TAFA4: variants seen among roughly 807,000 people sequenced by gnomAD.
TAFA4 encodes chemokine-like protein TAFA-4.
TAFA4 carries 20 observed loss-of-function variants against 21.1 expected under a neutral mutation model. The observed-to-expected ratio is 0.95, with a 90% confidence interval of 0.67 to 1.38. The LOEUF is 1.38. Among genes scored for constraint, TAFA4 ranks in the 40% most tolerant of loss-of-function variants. The pLI, the probability that TAFA4 is intolerant of heterozygous loss-of-function variation, is 0.00. For synonymous variants in TAFA4, 71 were observed against 67.4 expected (o/e 1.05, Z -0.26); for missense variants, 211 against 180.9 (o/e 1.17, Z -0.95).
chr3:68,855,604 A>AG (rs1246946879), intron 3 of TAFA4, among the ~76,000 whole-genome samples: 2 of 152,104 alleles, frequency 1.3e-5, no homozygotes, highest in Non-Finnish European at 2.9e-5. Context: ...ACTGATAAGT[A>AG]GGGGGGAAAA....
chr3:68,838,105 T>C (rs1038103706), intron 3 of TAFA4, among the ~76,000 whole-genome samples: 1 of 152,148 alleles, frequency 6.6e-6, no homozygotes, highest in African/African-American at 2.4e-5. Flanking sequence ...GTTAATATAG[T>C]CACAACTATG....
chr3:68,804,212 C>T (rs1703636683), intron 3 of TAFA4, among the ~76,000 whole-genome samples: 1 of 152,174 alleles, frequency 6.6e-6, no homozygotes, highest in African/African-American at 2.4e-5. Flanking sequence ...CCAATCCACA[C>T]TTTTAAAGCA....
chr3:68,760,755 A>C (rs1702743730), intron 3 of TAFA4, among the ~76,000 whole-genome samples: 1 of 152,240 alleles, frequency 6.6e-6, no homozygotes, highest in Non-Finnish European at 1.5e-5. Flanking sequence ...TCCTAGTTGC[A>C]GTTCTCTAGT....
intron 3 of TAFA4, among the ~76,000 whole-genome samples, chr3:68,813,547 A>T (rs533256899): frequency 5.4e-4 from 82 of 152,380 alleles, no homozygotes; most frequent in African/African-American, 2.0e-3. Context: ...CCTCTATGCA[A>T]ATAAACTAGA....
intron 3 of TAFA4, among the ~76,000 whole-genome samples, chr3:68,866,651 TAAAAAAAAAA>T (rs59878536): frequency 8.1e-5 from 1 of 12,396 alleles, no homozygotes; most frequent in African/African-American, 4.4e-4. Context: ...ATAGCAGTTC[TAAAAAAAAAA>T]AAAAAAAAAA....
intron 3 of TAFA4, among the ~76,000 whole-genome samples, chr3:68,864,195 G>A (rs1192157963): frequency 6.6e-6 from 1 of 151,974 alleles, no homozygotes; most frequent in African/African-American, 2.4e-5. Context: ...TTTGCAGTTT[G>A]GTTATTTGAT....
At chr3:68,859,514 T>G (rs1021123081) in intron 3 of TAFA4, among the ~76,000 whole-genome samples, 21 of 152,142 alleles carry the variant, frequency 1.4e-4, no homozygotes, top group African/African-American at 4.6e-4. Flanking sequence ...GGGCAAAACT[T>G]AATCAGCTGT....
At chr3:68,856,833 G>T (rs142283876) in intron 3 of TAFA4, among the ~76,000 whole-genome samples, 4 of 152,108 alleles carry the variant, frequency 2.6e-5, no homozygotes, top group African/African-American at 4.8e-5. Context: ...CTGTTGTATG[G>T]AGGGGAAGGA....
intron 2 of TAFA4, among the ~76,000 whole-genome samples, chr3:68,882,186 T>G (rs891535092): frequency 6.6e-6 from 1 of 152,192 alleles, no homozygotes; most frequent in Non-Finnish European, 1.5e-5. Flanking sequence ...TTGGGTAATT[T>G]GCAATGCAGC....
At chr3:68,830,968 T>A (rs554695298) in intron 3 of TAFA4, among the ~76,000 whole-genome samples, 1 of 152,196 alleles carries the variant, frequency 6.6e-6, no homozygotes, top group African/African-American at 2.4e-5. Context: ...CTTCTTATCT[T>A]TGTTGGTTTA....
chr3:68,743,391 C>T (rs927907909), intron 4 of TAFA4, among the ~76,000 whole-genome samples: 2 of 151,926 alleles, frequency 1.3e-5, no homozygotes, highest in Admixed American at 6.6e-5. Flanking sequence ...GCCTAGCCAA[C>T]GTGATGAAAC....
intron 3 of TAFA4, among the ~76,000 whole-genome samples, chr3:68,855,650 A>G (rs1437402731): frequency 6.6e-6 from 1 of 152,144 alleles, no homozygotes; most frequent in Non-Finnish European, 1.5e-5. Context: ...GACGTCATGT[A>G]TCTTAAAAGA....
Position 68,775,808 on chromosome 3 carries a change from G to A in TAFA4, c.131-22790C>T, listed in dbSNP as rs550291134. Among the ~76,000 whole-genome samples, 4 of 152,256 alleles carry A rather than the reference G, an allele frequency of 2.6e-5. 1 individual carries two copies. In the South Asian group the frequency reaches 8.3e-4, roughly 32 times the overall value. On this transcript the variant is annotated intron_variant, in intron 3 of 5. Coordinates refer to ENST00000295569, the MANE Select transcript of TAFA4 (RefSeq NM_182522.5). ...GATTGACCCAACTCCTGGCCTGATA[G>A]CAGAAGAGATAGACCTGTTTCCTGT...
chr3:68,893,760 G>T (rs958677696), intron 1 of TAFA4, among the ~76,000 whole-genome samples: 1 of 152,280 alleles, frequency 6.6e-6, no homozygotes, highest in Non-Finnish European at 1.5e-5. Flanking sequence ...TGGGATAAAG[G>T]CTTCTTAAAA....
intron 3 of TAFA4, among the ~76,000 whole-genome samples, chr3:68,796,719 A>G (rs896765630): frequency 1.4e-4 from 21 of 152,204 alleles, no homozygotes; most frequent in African/African-American, 5.1e-4. Flanking sequence ...GAGAGGAAGT[A>G]TTTGCAAATC....
At chr3:68,775,073 C>T (rs1703024988) in intron 3 of TAFA4, among the ~76,000 whole-genome samples, 1 of 152,130 alleles carries the variant, frequency 6.6e-6, no homozygotes, top group African/African-American at 2.4e-5. Flanking sequence ...TGTTAACTGA[C>T]ATTTGTCAGA....
rs372890768 is a variant in TAFA4 at position 68,834,637 on chromosome 3, C to T, written c.130+46093G>A. 8.7e-4 allele frequency among the ~76,000 whole-genome samples: 133 copies of T among 152,232 alleles called. 1 individual carries two copies. The highest frequency in any genetic ancestry group is 2.8e-3 in the African/African-American group (116 of 41,536). ...CTGATTTCCTCTTTCACCTCCCACA[C>T]CTATTCCTCCCATACACCTCCTCAT... On this transcript the variant is annotated intron_variant, in intron 3 of 5. Coordinates refer to ENST00000295569, the MANE Select transcript of TAFA4 (RefSeq NM_182522.5).
intron 3 of TAFA4, among the ~76,000 whole-genome samples, chr3:68,861,033 C>T (rs543248440): frequency 7.4e-5 from 4 of 54,338 alleles, no homozygotes; most frequent in Non-Finnish European, 1.3e-4. Flanking sequence ...AATATGCACC[C>T]CCCCCCCGCC....
rs560941917 is a variant in TAFA4, at chr3:68,881,149, T to C, written c.15-304A>G. On this transcript the variant is annotated intron_variant, in intron 2 of 5. Coordinates refer to ENST00000295569, the MANE Select transcript of TAFA4 (RefSeq NM_182522.5). ...AGAGCATGGGGATTTTATTCTATTTTATACCATGAGATGTAAAAGCAACAC... is the reference window on the plus strand; with the variant it reads ...AGAGCATGGGGATTTTATTCTATTTCATACCATGAGATGTAAAAGCAACAC... 2.0e-5 allele frequency among the ~76,000 whole-genome samples: 3 copies of C among 152,352 alleles called. No individual in the cohort carries two copies. The East Asian group carries it at 5.8e-4, about 29-fold the overall frequency.
Sources: gnomAD v4.1 joint callset for allele counts (sites outside exome capture counted in the v4.1 genomes callset) on GRCh38, gnomAD v4.1.1 for gene constraint, MANE v1.5 for transcripts, NCBI Gene and HGNC (gene_info 2026-07-23, HGNC 2026-07-21) for gene names.